CCDC171: variants seen among roughly 807,000 people sequenced by gnomAD.
CCDC171 encodes coiled-coil domain-containing protein 171.
CCDC171 carries 177 observed loss-of-function variants against 168.2 expected under a neutral mutation model. The observed-to-expected ratio is 1.05, with a 90% CI of 0.93 to 1.19. The LOEUF is 1.19. CCDC171 is among the 50% of genes most tolerant of loss of function. The pLI, the probability that CCDC171 is intolerant of heterozygous loss-of-function variation, is 0.00. For missense variants in CCDC171, 1,991 were observed against 1,539.0 expected, an observed-to-expected ratio of 1.29 and a Z score of -4.91; for synonymous variants, 687 against 540.8, an observed-to-expected ratio of 1.27 and a Z score of -3.75.
At chr9:16,080,209 AGT>A in the CCDC171 span, among the ~76,000 whole-genome samples, 3 of 152,174 alleles carry the variant, frequency 2.0e-5, no homozygotes, top group Admixed American at 2.0e-4. Context: ...TAATTACCTC[AGT>A]GATCCAGAAC....
intron 7 of CCDC171, among the ~76,000 whole-genome samples, chr9:15,642,569 T>A (rs1031887612): frequency 3.3e-5 from 5 of 151,736 alleles, no homozygotes; most frequent in Admixed American, 3.3e-4. Context: ...ATTAATTCAT[T>A]GGACTAGAAG....
intron 21 of CCDC171, among the ~76,000 whole-genome samples, chr9:15,838,076 GCTCT>G (rs1276201376): frequency 6.6e-6 from 1 of 151,918 alleles, no homozygotes. Flanking sequence ...AGGGTTTATG[GCTCT>G]CTATCATATA....
At chr9:15,874,289 T>C (rs978713160) in intron 23 of CCDC171, among the ~76,000 whole-genome samples, 1 of 152,140 alleles carries the variant, frequency 6.6e-6, no homozygotes, top group East Asian at 1.9e-4. Flanking sequence ...AGAAGAGCTC[T>C]AGTGACTCTT....
intron 21 of CCDC171, among the ~76,000 whole-genome samples, chr9:15,798,820 T>C (rs1474208063): frequency 6.6e-6 from 1 of 152,144 alleles, no homozygotes; most frequent in Non-Finnish European, 1.5e-5. Flanking sequence ...TAGAACTTTA[T>C]AAAGTCTCTG....
intron 7 of CCDC171, among the ~76,000 whole-genome samples, chr9:15,626,950 C>T (rs1239235273): frequency 6.6e-6 from 1 of 152,108 alleles, no homozygotes; most frequent in Non-Finnish European, 1.5e-5. Flanking sequence ...TGGTCCTGGA[C>T]ATTTTTTGGT....
intron 6 of CCDC171, among the ~76,000 whole-genome samples, chr9:15,611,108 T>A (rs2043651385): frequency 6.6e-6 from 1 of 152,012 alleles, no homozygotes; most frequent in Admixed American, 6.6e-5. Flanking sequence ...CATTTAAAAG[T>A]GTGTAGCGCC....
At chr9:15,839,676 A>T (rs2060592227) in intron 21 of CCDC171, among the ~76,000 whole-genome samples, 1 of 152,196 alleles carries the variant, frequency 6.6e-6, no homozygotes, top group Non-Finnish European at 1.5e-5. Context: ...AAATAACAAC[A>T]GCAGTTATAA....
At position 15,689,935 on chromosome 9, in the gene CCDC171, G is replaced by C. The variant is rs150890541; in HGVS notation, c.1216-5300G>C. Among the ~76,000 whole-genome samples, 401 of 152,278 alleles carry C rather than the reference G, an allele frequency of 2.6e-3. 1 individual carries two copies. The highest frequency in any genetic ancestry group is 9.4e-3 in the African/African-American group (392 of 41,570). Reference sequence around the variant, plus strand: ...AGTTGATTTTCAAAAAGGGTGTTAAGTCAATTCAGTGGGGGAAAGAATAAT... The same window carrying C: ...AGTTGATTTTCAAAAAGGGTGTTAACTCAATTCAGTGGGGGAAAGAATAAT... On this transcript the variant is annotated intron_variant, in intron 10 of 25. Coordinates refer to ENST00000380701, the MANE Select transcript of CCDC171 (RefSeq NM_173550.4).
At position 16,012,070 on chromosome 9, in the gene CCDC171, A is replaced by T. The variant is rs145235608; in HGVS notation, n.369-8519A>T. On this transcript the variant is annotated intron_variant and non_coding_transcript_variant, in intron 3 of 9. Transcript: ENST00000486641. ...TCCCCTTGTGGACTGATCTGCAAATAGGAAGTTCTCTTCTGAAGGTTAGGG... is the reference window on the plus strand; with the variant it reads ...TCCCCTTGTGGACTGATCTGCAAATTGGAAGTTCTCTTCTGAAGGTTAGGG... Among the ~76,000 whole-genome samples, 172 of 152,308 alleles carry T rather than the reference A, an allele frequency of 1.1e-3. 1 individual carries two copies. The highest frequency in any genetic ancestry group is 4.5e-3 in the Admixed American group (69 of 15,296).
At chr9:15,693,434 T>C (rs1187759368) in intron 10 of CCDC171, among the ~76,000 whole-genome samples, 1 of 151,278 alleles carries the variant, frequency 6.6e-6, no homozygotes, top group Non-Finnish European at 1.5e-5. Context: ...AGAAACTAGG[T>C]GTTGCCTAGG....
At chr9:15,625,344 G>A (rs1212004596) in intron 7 of CCDC171, among the ~76,000 whole-genome samples, 1 of 152,054 alleles carries the variant, frequency 6.6e-6, no homozygotes, top group African/African-American at 2.4e-5. Context: ...GTCAATTTTG[G>A]CTTTTGTTGC....
At chr9:15,970,987 G>A (rs1831308554) in intron 25 of CCDC171, among the ~76,000 whole-genome samples, 1 of 151,952 alleles carries the variant, frequency 6.6e-6, no homozygotes, top group Admixed American at 6.6e-5. Flanking sequence ...ATCTGCACGT[G>A]TACCCCTGAA....
At chr9:15,901,221 G>A (rs1464109045) in intron 24 of CCDC171, among the ~76,000 whole-genome samples, 1 of 152,252 alleles carries the variant, frequency 6.6e-6, no homozygotes, top group East Asian at 1.9e-4. Flanking sequence ...GCAGAACACA[G>A]GATTTTTAGA....
the CCDC171 span, among the ~76,000 whole-genome samples, chr9:16,091,155 C>T: frequency 2.6e-5 from 4 of 152,324 alleles, no homozygotes; most frequent in East Asian, 5.8e-4. Context: ...GATTAGTCTG[C>T]TAGGCCTCAG....
chr9:15,798,641 T>TTGG (rs2058671760), intron 21 of CCDC171, among the ~76,000 whole-genome samples: 1 of 152,166 alleles, frequency 6.6e-6, no homozygotes, highest in Admixed American at 6.5e-5. Flanking sequence ...TGTAGCCCAC[T>TTGG]GTCCATATAT....
intron 3 of CCDC171, among the ~76,000 whole-genome samples, chr9:15,984,317 T>A (rs1831910567): frequency 6.6e-6 from 1 of 152,178 alleles, no homozygotes; most frequent in Admixed American, 6.6e-5. Context: ...GCTAACTTTG[T>A]GCCGGTAATA....
chr9:15,980,183 A>G (rs138996668), intron 3 of CCDC171, among the ~76,000 whole-genome samples: 5 of 152,282 alleles, frequency 3.3e-5, no homozygotes, highest in South Asian at 2.1e-4. Context: ...TTCTATTTCA[A>G]ATTAGGATTT....
intron 3 of CCDC171, among the ~76,000 whole-genome samples, chr9:15,999,321 A>G (rs1832468499): frequency 6.7e-6 from 1 of 150,096 alleles, no homozygotes; most frequent in Non-Finnish European, 1.5e-5. Context: ...AAGAAAGAAA[A>G]GAAAAGAAGG....
At chr9:15,635,803 A>G (rs1564104284) in intron 7 of CCDC171, among the ~76,000 whole-genome samples, 1 of 152,292 alleles carries the variant, frequency 6.6e-6, no homozygotes, top group East Asian at 1.9e-4. Context: ...TTTATGATAT[A>G]TCTAGGAGAG....
Sources: gnomAD v4.1 joint callset for allele counts (sites outside exome capture counted in the v4.1 genomes callset) on GRCh38, gnomAD v4.1.1 for gene constraint, MANE v1.5 for transcripts, NCBI Gene and HGNC (gene_info 2026-07-23, HGNC 2026-07-21) for gene names.